Variants in MECOM observed in about 807,000 individuals in gnomAD.
The protein encoded by MECOM is MDS1 and EVI1 complex locus, also known as histone-lysine N-methyltransferase MECOM.
In MECOM, 13 loss-of-function variants were observed where a neutral mutation model predicts 116.3. That is an observed-to-expected ratio of 0.11 (90% confidence interval 0.07 to 0.18). The LOEUF is 0.18. MECOM is among the 10% of genes least tolerant of loss of function. The probability of loss-of-function intolerance (pLI) is 1.00; values close to 1 mark genes in which losing one functional copy is unlikely to be tolerated. For missense variants in MECOM, 1,299 were observed against 1,509.0 expected, an observed-to-expected ratio of 0.86 and a Z score of 2.31; for synonymous variants, 528 against 535.2, an observed-to-expected ratio of 0.99 and a Z score of 0.19.
intron 1 of MECOM, among the ~76,000 whole-genome samples, chr3:169,492,290 A>T (rs1339912246): frequency 6.6e-6 from 1 of 152,258 alleles, no homozygotes; most frequent in Non-Finnish European, 1.5e-5. Context: ...TGACCAACTC[A>T]ATGAAACAGC....
intron 1 of MECOM, among the ~76,000 whole-genome samples, chr3:169,502,445 C>T (rs565585333): frequency 6.6e-6 from 1 of 152,188 alleles, no homozygotes; most frequent in Non-Finnish European, 1.5e-5. Flanking sequence ...ATTCTGTGTG[C>T]TCCCAAACCT....
In MECOM at chr3:169,084,062, G is replaced by A; in HGVS notation, c.*847C>T. ...GTGCCTCAGACGTCATAAAGTAGTGGCTGACTGGAACAGTGCTATTTTAAT... is the reference window on the plus strand; with the variant it reads ...GTGCCTCAGACGTCATAAAGTAGTGACTGACTGGAACAGTGCTATTTTAAT... On this transcript the variant is annotated 3_prime_UTR_variant, in exon 17 of 17. Transcript: ENST00000651503. 4.3e-6 allele frequency: 1 copy of A among 231,154 alleles called. No individual in the cohort carries two copies. The highest frequency in any genetic ancestry group is 8.6e-6 in the Non-Finnish European group (1 of 116,768). 14.3% of individuals were successfully genotyped at this position (231,154 alleles called of 1,614,324 possible).
At position 169,115,653 on chromosome 3, in the gene MECOM, G is replaced by T; in HGVS notation, c.2219C>A (p.Ser740Tyr). The T allele has an allele frequency of 1.2e-6, 2 of 1,614,152 alleles. No individual in the cohort carries two copies. Among genetic ancestry groups the T allele is most frequent in the Non-Finnish European group, 1.7e-6 (2 of 1,180,024 alleles). Residue 740 changes from serine (S) to tyrosine (Y), a missense_variant, in exon 8 of 17, where the codon TCC becomes TAC. By Grantham distance (144) the Ser-to-Tyr change is moderately radical. Transcript: ENST00000651503. ...TCGCTTAGTGGTGAGATCAAAGGGG[G>T]ACTCAGAGCTGCCCTTCTGCAGTTT... ...VKKLQKGSSE[S>Y]PFDLTTKRKD... is the part of the protein sequence containing the mutation.
intron 1 of MECOM, among the ~76,000 whole-genome samples, chr3:169,531,734 A>C (rs1758653939): frequency 6.6e-6 from 1 of 152,222 alleles, no homozygotes; most frequent in Non-Finnish European, 1.5e-5. Context: ...ACAAGTCTTA[A>C]ATCACATGAA....
intron 1 of MECOM, among the ~76,000 whole-genome samples, chr3:169,533,595 T>TTTTTTTTTA (rs1758940853): frequency 6.6e-6 from 1 of 151,180 alleles, no homozygotes; most frequent in African/African-American, 2.4e-5. Flanking sequence ...TTTTTTTATT[T>TTTTTTTTTA]CCTTATGTCG....
intron 9 of MECOM, among the ~76,000 whole-genome samples, chr3:169,108,298 C>A (rs532503896): frequency 6.6e-6 from 1 of 152,156 alleles, no homozygotes; most frequent in African/African-American, 2.4e-5. Flanking sequence ...AAAAATTAGG[C>A]CATTTCCTGT....
intron 1 of MECOM, among the ~76,000 whole-genome samples, chr3:169,512,488 A>G (rs1756097106): frequency 6.6e-6 from 1 of 152,142 alleles, no homozygotes; most frequent in Non-Finnish European, 1.5e-5. Flanking sequence ...TCCTTCTCCC[A>G]GTCCTCCCAT....
chr3:169,491,047 C>T (rs546729478), intron 1 of MECOM, among the ~76,000 whole-genome samples: 5 of 151,832 alleles, frequency 3.3e-5, no homozygotes, highest in South Asian at 2.1e-4. Flanking sequence ...TTTGTGGAGA[C>T]GGGTCTCCTT....
chr3:169,553,125 T>A (rs1761603125), intron 1 of MECOM, among the ~76,000 whole-genome samples: 1 of 152,082 alleles, frequency 6.6e-6, no homozygotes, highest in Non-Finnish European at 1.5e-5. Flanking sequence ...CAAGAAATCA[T>A]TCCTTACATG....
At chr3:169,409,227 C>T (rs1737180916) in intron 1 of MECOM, among the ~76,000 whole-genome samples, 2 of 152,214 alleles carry the variant, frequency 1.3e-5, no homozygotes, top group African/African-American at 4.8e-5. Context: ...CTTTAGATCA[C>T]TCATTGCAAA....
At chr3:169,095,885 G>A (rs930710299) in intron 12 of MECOM, among the ~76,000 whole-genome samples, 5 of 152,008 alleles carry the variant, frequency 3.3e-5, no homozygotes, top group Non-Finnish European at 5.9e-5. Context: ...TTTTTGGAAT[G>A]AAAGCAAAGG....
intron 1 of MECOM, among the ~76,000 whole-genome samples, chr3:169,457,763 C>T (rs978645851): frequency 7.9e-5 from 12 of 152,180 alleles, no homozygotes; most frequent in African/African-American, 2.9e-4. Flanking sequence ...CTTCCAGGCC[C>T]TCACTGAGGA....
At chr3:169,539,234 T>C (rs1318301884) in intron 1 of MECOM, among the ~76,000 whole-genome samples, 1 of 152,216 alleles carries the variant, frequency 6.6e-6, no homozygotes, top group Non-Finnish European at 1.5e-5. Context: ...ACCCAAATTC[T>C]GATTGTGCTA....
chr3:169,595,718 T>A (rs1767053427), intron 1 of MECOM, among the ~76,000 whole-genome samples: 1 of 152,192 alleles, frequency 6.6e-6, no homozygotes, highest in Admixed American at 6.5e-5. Context: ...TTATTTAATT[T>A]AAAAACTTGA....
In MECOM at chr3:169,643,541, A is replaced by G. The variant is rs544611068; in HGVS notation, c.37+19795T>C. On this transcript the variant is annotated intron_variant, in intron 1 of 16. Coordinates refer to ENST00000651503, the MANE Select transcript of MECOM (RefSeq NM_004991.4). ...GAAAAGTGTGAATGAGCACAAACCAATCTTGTTATTACTACCATTTCCTTC... is the reference window on the plus strand; with the variant it reads ...GAAAAGTGTGAATGAGCACAAACCAGTCTTGTTATTACTACCATTTCCTTC... 1.8e-3 allele frequency among the ~76,000 whole-genome samples: 279 copies of G among 152,312 alleles called. 1 individual carries two copies. Among genetic ancestry groups the G allele is most frequent in the Admixed American group, 3.6e-3 (55 of 15,294 alleles).
chr3:169,487,391 G>T (rs1752516329), intron 1 of MECOM, among the ~76,000 whole-genome samples: 1 of 151,888 alleles, frequency 6.6e-6, no homozygotes, highest in African/African-American at 2.4e-5. Flanking sequence ...GGCAGGGGAG[G>T]GGGACAATCT....
chr3:169,495,239 T>C (rs1182622222), intron 1 of MECOM, among the ~76,000 whole-genome samples: 2 of 152,216 alleles, frequency 1.3e-5, no homozygotes, highest in South Asian at 2.1e-4. Context: ...GACCGGTTTA[T>C]AGCTTTGATA....
rs116276160 is a variant in MECOM, at chr3:169,387,204, T to C, written c.38-5680A>G. On this transcript the variant is annotated intron_variant, in intron 1 of 16. Coordinates refer to ENST00000651503, the MANE Select transcript of MECOM (RefSeq NM_004991.4). The stretch of plus-strand genomic sequence containing the variant: ...CTTGAATTTTCTTTGAGTTTCATAG[T>C]TGCTTTTCTACCAACCTTGGATTAC... 2.7e-3 allele frequency among the ~76,000 whole-genome samples: 416 copies of C among 152,336 alleles called. 2 individuals carry two copies. Among genetic ancestry groups the C allele is most frequent in the African/African-American group, 9.6e-3 (399 of 41,574 alleles).
intron 7 of MECOM, among the ~76,000 whole-genome samples, chr3:169,118,101 A>T (rs190841932): frequency 3.0e-5 from 4 of 131,186 alleles, no homozygotes; most frequent in South Asian, 2.6e-4. Context: ...AATAATAATT[A>T]AAAAAAAAAA....
Sources: allele counts gnomAD v4.1 joint callset (sites outside exome capture counted in the v4.1 genomes callset), GRCh38; gene constraint gnomAD v4.1.1; transcripts MANE v1.5; gene names NCBI Gene and HGNC (gene_info 2026-07-23, HGNC 2026-07-21).